Variants in RPS6KC1 observed in about 807,000 individuals in gnomAD.
The protein encoded by RPS6KC1 is inactive ribosomal protein S6 kinase delta-1.
A neutral mutation model predicts 103.8 loss-of-function variants in RPS6KC1; 54 were observed. The ratio of observed to expected loss-of-function variants is 0.52; its 90% confidence interval spans 0.42 to 0.65. RPS6KC1 has a LOEUF of 0.65. RPS6KC1 is among the 30% of genes least tolerant of loss of function. The pLI, the probability that RPS6KC1 is intolerant of heterozygous loss-of-function variation, is 0.00. For missense variants in RPS6KC1, 1,151 were observed against 1,253.8 expected (o/e 0.92, Z 1.24); for synonymous variants, 439 against 438.7 (o/e 1.00, Z -0.01).
At chr1:213,546,534 TTATAAG>T in the RPS6KC1 span, 1 of 152,214 alleles carries the variant, frequency 6.6e-6, no homozygotes. Flanking sequence ...TTATTACATT[TTATAAG>T]TATAACTAAT....
chr1:213,399,636 G>A, the RPS6KC1 span, among the ~76,000 whole-genome samples: 2 of 152,142 alleles, frequency 1.3e-5, no homozygotes, highest in South Asian at 4.1e-4. Flanking sequence ...GGGCCAATGG[G>A]TGCATGAAGC....
the RPS6KC1 span, among the ~76,000 whole-genome samples, chr1:213,697,213 A>G: frequency 3.3e-5 from 5 of 152,228 alleles, no homozygotes; most frequent in Admixed American, 6.5e-5. Context: ...ACCCTCCAGG[A>G]ACCTCCGTGT....
chr1:213,305,506 TG>T, the RPS6KC1 span, among the ~76,000 whole-genome samples: 1 of 152,368 alleles, frequency 6.6e-6, no homozygotes, highest in African/African-American at 2.4e-5. Flanking sequence ...ACCAGTTCTT[TG>T]AAAAGTACAG....
chr1:213,060,099 T>A (rs1394151503), intron 1 of RPS6KC1, among the ~76,000 whole-genome samples: 1 of 152,258 alleles, frequency 6.6e-6, no homozygotes, highest in Non-Finnish European at 1.5e-5. Context: ...ATTGCCGGTG[T>A]GAACCACCGC....
the RPS6KC1 span, among the ~76,000 whole-genome samples, chr1:213,518,195 T>G: frequency 3.9e-4 from 60 of 152,328 alleles, no homozygotes; most frequent in African/African-American, 1.4e-3. Flanking sequence ...ATAATGGGTT[T>G]TATGATGGCC....
chr1:213,207,697 A>G (rs894487059), intron 8 of RPS6KC1, among the ~76,000 whole-genome samples: 4 of 151,898 alleles, frequency 2.6e-5, no homozygotes, highest in African/African-American at 7.2e-5. Flanking sequence ...GTTTTGAGAC[A>G]CTGTGTCACT....
the RPS6KC1 span, among the ~76,000 whole-genome samples, chr1:213,316,123 C>T: frequency 6.6e-5 from 10 of 152,120 alleles, no homozygotes; most frequent in East Asian, 3.9e-4. Context: ...AGTTTCCCCA[C>T]GCTGTTCCCT....
intron 5 of RPS6KC1, among the ~76,000 whole-genome samples, chr1:213,124,522 T>C (rs970362037): frequency 3.3e-5 from 5 of 152,156 alleles, no homozygotes; most frequent in Non-Finnish European, 7.4e-5. Flanking sequence ...ATATATAGTT[T>C]TGTATGAAAT....
chr1:213,446,684 A>G, the RPS6KC1 span, among the ~76,000 whole-genome samples: 1 of 152,188 alleles, frequency 6.6e-6, no homozygotes, highest in Non-Finnish European at 1.5e-5. Context: ...CCTGACCGTC[A>G]CACTCTGTCA....
chr1:213,075,459 G>A (rs1022730372), intron 2 of RPS6KC1, among the ~76,000 whole-genome samples: 7 of 152,060 alleles, frequency 4.6e-5, no homozygotes, highest in African/African-American at 1.7e-4. Flanking sequence ...AGTGATTACT[G>A]CCTATCTGCT....
At chr1:213,843,705 T>G in the RPS6KC1 span, 1 of 152,196 alleles carries the variant, frequency 6.6e-6, no homozygotes, top group Non-Finnish European at 1.5e-5. Flanking sequence ...TCTTAAATAC[T>G]ATAACAAGAA....
chr1:213,331,773 A>G, the RPS6KC1 span, among the ~76,000 whole-genome samples: 1 of 152,192 alleles, frequency 6.6e-6, no homozygotes, highest in Non-Finnish European at 1.5e-5. Context: ...TGTGTGGGCC[A>G]GGGCCTACGT....
At chr1:213,351,829 A>G in the RPS6KC1 span, among the ~76,000 whole-genome samples, 2 of 152,280 alleles carry the variant, frequency 1.3e-5, no homozygotes, top group South Asian at 4.1e-4. Context: ...GAGTCCTCTT[A>G]GCCATGTAGA....
the RPS6KC1 span, among the ~76,000 whole-genome samples, chr1:213,772,990 T>A: frequency 1.3e-5 from 2 of 152,092 alleles, no homozygotes; most frequent in South Asian, 4.2e-4. Context: ...CGCCGATGGG[T>A]AACTTTTGTT....
the RPS6KC1 span, among the ~76,000 whole-genome samples, chr1:213,747,084 G>A: frequency 9.0e-3 from 1,364 of 152,174 alleles, 10 homozygotes; most frequent in Middle Eastern, 0.027. Context: ...GATGGAGAAG[G>A]GAATAGGACC....
intron 8 of RPS6KC1, chr1:213,176,711 T>C (rs1449269040): frequency 1.2e-5 from 4 of 337,860 alleles, no homozygotes; most frequent in Non-Finnish European, 2.2e-5. Context: ...AGAAGGCGCA[T>C]ATTTGTTGGC....
chr1:213,464,914 G>A, the RPS6KC1 span, among the ~76,000 whole-genome samples: 4 of 152,036 alleles, frequency 2.6e-5, no homozygotes, highest in Non-Finnish European at 5.9e-5. Flanking sequence ...CCCAGGTGCA[G>A]GGAATATCGG....
the RPS6KC1 span, among the ~76,000 whole-genome samples, chr1:213,288,397 A>G: frequency 6.6e-6 from 1 of 152,226 alleles, no homozygotes; most frequent in Non-Finnish European, 1.5e-5. Context: ...CTTTCCATAG[A>G]CTAGACAAAA....
the RPS6KC1 span, among the ~76,000 whole-genome samples, chr1:213,805,792 A>G: frequency 6.6e-6 from 1 of 152,364 alleles, no homozygotes; most frequent in Middle Eastern, 3.4e-3. Context: ...GGCCAGATCC[A>G]TCAGGGGAAT....
Sources: allele counts gnomAD v4.1 joint callset (sites outside exome capture counted in the v4.1 genomes callset), GRCh38; gene constraint gnomAD v4.1.1; transcripts MANE v1.5; gene names NCBI Gene and HGNC (gene_info 2026-07-23, HGNC 2026-07-21).